TENM4: variants seen among roughly 807,000 people sequenced by gnomAD.
The protein encoded by TENM4 is teneurin-4.
A neutral mutation model predicts 243.3 loss-of-function variants in TENM4; 82 were observed. The ratio of observed to expected loss-of-function variants is 0.34; its 90% CI spans 0.28 to 0.40. The LOEUF is 0.40. Ranked by LOEUF, TENM4 falls within the 10% of genes least tolerant of loss-of-function variation. The pLI, the probability that TENM4 is intolerant of heterozygous loss-of-function variation, is 1.00. For missense variants in TENM4, 3,138 were observed against 3,673.3 expected, an observed-to-expected ratio of 0.85 and a Z score of 3.77; for synonymous variants, 1,412 against 1,456.3, an observed-to-expected ratio of 0.97 and a Z score of 0.69.
At chr11:78,895,244 G>A (rs1196938714) in intron 7 of TENM4, among the ~76,000 whole-genome samples, 3 of 151,798 alleles carry the variant, frequency 2.0e-5, no homozygotes, top group Non-Finnish European at 1.5e-5. Context: ...GCTGAGGCAG[G>A]AGAATCGCTT....
chr11:78,885,860 G>A (rs1855537067), intron 9 of TENM4, among the ~76,000 whole-genome samples: 1 of 152,184 alleles, frequency 6.6e-6, no homozygotes, highest in African/African-American at 2.4e-5. Context: ...AGGAATTCAA[G>A]GCTGCAGTGA....
chr11:78,780,196 G>A (rs548492540), intron 16 of TENM4, among the ~76,000 whole-genome samples: 5 of 152,332 alleles, frequency 3.3e-5, no homozygotes, highest in Admixed American at 3.3e-4. Flanking sequence ...AATGGGGACA[G>A]CCCACACGAA....
chr11:78,743,963 A>T (rs1855988968), intron 19 of TENM4, among the ~76,000 whole-genome samples: 1 of 152,184 alleles, frequency 6.6e-6, no homozygotes, highest in Admixed American at 6.5e-5. Flanking sequence ...CTATGCCATT[A>T]TTGATTATGT....
At chr11:78,980,681 G>T (rs977326273) in intron 6 of TENM4, among the ~76,000 whole-genome samples, 4 of 152,314 alleles carry the variant, frequency 2.6e-5, no homozygotes, top group Admixed American at 2.6e-4. Flanking sequence ...CTTAGTAGCT[G>T]TACAACCGTG....
chr11:79,059,907 A>G (rs560807929), intron 6 of TENM4, among the ~76,000 whole-genome samples: 35 of 152,318 alleles, frequency 2.3e-4, no homozygotes, highest in Admixed American at 5.9e-4. Context: ...TGAAACTAGC[A>G]TTCTTTTTCC....
chr11:79,257,689 T>C (rs1162171413), intron 2 of TENM4, among the ~76,000 whole-genome samples: 2 of 152,156 alleles, frequency 1.3e-5, no homozygotes, highest in Admixed American at 6.5e-5. Context: ...TAGAGGTTTC[T>C]GGAGTAAAAA....
At chr11:78,819,591 G>C (rs922243357) in intron 12 of TENM4, among the ~76,000 whole-genome samples, 2 of 152,150 alleles carry the variant, frequency 1.3e-5, no homozygotes, top group African/African-American at 4.8e-5. Context: ...GCAAACCTCT[G>C]TGGACGTGCG....
chr11:79,440,269 G>A lies in TENM4; in HGVS notation c.-321+240C>T, dbSNP rs1312844118. Among the ~76,000 whole-genome samples the A allele has an allele frequency of 6.7e-6, 1 of 149,730 alleles. No homozygotes were observed. Among genetic ancestry groups the A allele is most frequent in the Non-Finnish European group, 1.5e-5 (1 of 67,334 alleles). ...CCCTTGCTCCCAGGCTCCAGTCCGC[G>A]GCGGGCTCCGGGGGCTGCGGCGGCT... On this transcript the variant is annotated intron_variant, in intron 1 of 33. Coordinates refer to ENST00000278550, the MANE Select transcript of TENM4 (RefSeq NM_001098816.3). This position sits in a 1 kb window ranked among gnomAD's most constrained non-coding sequence, Gnocchi z 4.7.
intron 25 of TENM4, among the ~76,000 whole-genome samples, chr11:78,715,399 G>A (rs1462198059): frequency 6.6e-6 from 1 of 152,160 alleles, no homozygotes; most frequent in Non-Finnish European, 1.5e-5. Context: ...GGGTCCCTGA[G>A]GGGGTATGGT....
intron 9 of TENM4, among the ~76,000 whole-genome samples, chr11:78,889,095 G>C (rs1276659047): frequency 6.6e-6 from 1 of 152,214 alleles, no homozygotes; most frequent in Non-Finnish European, 1.5e-5. Flanking sequence ...TATCAAGGCA[G>C]AGGTCGGGAG....
chr11:78,740,759 G>A (rs1436888894), intron 19 of TENM4, among the ~76,000 whole-genome samples: 1 of 152,192 alleles, frequency 6.6e-6, no homozygotes, highest in African/African-American at 2.4e-5. Flanking sequence ...TGGGGGGATG[G>A]CTTCCTTTCT....
At chr11:79,225,967 C>T (rs1357586710) in intron 2 of TENM4, among the ~76,000 whole-genome samples, 3 of 152,200 alleles carry the variant, frequency 2.0e-5, no homozygotes, top group Non-Finnish European at 4.4e-5. Context: ...GATGGACAAA[C>T]AGGCCCACTG....
chr11:78,921,398 GTT>G (rs1441210913), intron 6 of TENM4, among the ~76,000 whole-genome samples: 1 of 152,212 alleles, frequency 6.6e-6, no homozygotes, highest in Non-Finnish European at 1.5e-5. Flanking sequence ...ATACAACTCT[GTT>G]TTTCTCTCTC....
At chr11:78,920,535 C>A (rs927074108) in intron 6 of TENM4, among the ~76,000 whole-genome samples, 1 of 152,154 alleles carries the variant, frequency 6.6e-6, no homozygotes, top group African/African-American at 2.4e-5. Flanking sequence ...TTCACGGTCT[C>A]GTCCTCTCGC....
intron 29 of TENM4, 138 bp downstream of exon 29, chr11:78,687,916 T>G: frequency 1.0e-6 from 1 of 988,296 alleles, no homozygotes; most frequent in Non-Finnish European, 1.5e-6. Flanking sequence ...TTTTGCAAAT[T>G]AGGTGATAAT....
Position 78,757,036 on chromosome 11 carries a change from G to C in TENM4, c.2540-15C>G. 3 of 1,611,124 alleles carry C rather than the reference G, an allele frequency of 1.9e-6. No individual in the cohort carries two copies. The highest frequency in any genetic ancestry group is 2.5e-6 in the Non-Finnish European group (3 of 1,178,264). ...CACCAGGCCATCTGCAGGAGTGACAGAGCATGTGGTTTATATTGCTATGTT... is the reference window on the plus strand; with the variant it reads ...CACCAGGCCATCTGCAGGAGTGACACAGCATGTGGTTTATATTGCTATGTT... On this transcript the variant is annotated splice_polypyrimidine_tract_variant and intron_variant, in intron 18 of 33. Transcript: ENST00000278550.
intron 4 of TENM4, among the ~76,000 whole-genome samples, chr11:79,147,825 A>G (rs1362535579): frequency 6.6e-6 from 1 of 152,126 alleles, no homozygotes; most frequent in Non-Finnish European, 1.5e-5. Context: ...ATGGCCACAT[A>G]GTCAGCAAGT....
intron 4 of TENM4, among the ~76,000 whole-genome samples, chr11:79,131,964 G>A (rs1862011459): frequency 6.6e-6 from 1 of 152,044 alleles, no homozygotes; most frequent in African/African-American, 2.4e-5. Context: ...ATGGTAAAAG[G>A]CCTTGTCCAA....
intron 6 of TENM4, among the ~76,000 whole-genome samples, chr11:78,958,708 A>G (rs1260210325): frequency 5.3e-5 from 8 of 152,256 alleles, no homozygotes; most frequent in Admixed American, 5.2e-4. Context: ...TGGAGAGTCC[A>G]GCGCAAGCTC....
Sources: gnomAD v4.1 joint callset for allele counts (sites outside exome capture counted in the v4.1 genomes callset) on GRCh38, gnomAD v4.1.1 for gene constraint, Gnocchi (gnomAD v3.1) non-coding constraint, MANE v1.5 for transcripts, NCBI Gene and HGNC (gene_info 2026-07-23, HGNC 2026-07-21) for gene names.